Variants in ITGAE observed in about 807,000 individuals in gnomAD.
ITGAE encodes the protein integrin subunit alpha E.
Under a neutral mutation model 136.5 loss-of-function variants are expected in ITGAE, and 99 were observed. The ratio of observed to expected loss-of-function variants is 0.73; its 90% CI spans 0.62 to 0.86. The LOEUF (loss-of-function observed/expected upper bound fraction) is 0.86. Among genes scored for constraint, ITGAE ranks in the 40% least tolerant of loss-of-function variants. The probability of loss-of-function intolerance (pLI) is 0.00; values close to 1 mark genes in which losing one functional copy is unlikely to be tolerated. For synonymous variants in ITGAE, 613 were observed against 591.8 expected, an observed-to-expected ratio of 1.04 and a Z score of -0.52; for missense variants, 1,447 against 1,515.3, an observed-to-expected ratio of 0.95 and a Z score of 0.75.
At chr17:3,747,431 C>A (rs1405751045) in intron 17 of ITGAE, among the ~76,000 whole-genome samples, 1 of 152,134 alleles carries the variant, frequency 6.6e-6, no homozygotes. Flanking sequence ...TATTCTCCTG[C>A]CTCAGCCTCC....
chr17:3,731,117 C>T lies in ITGAE; in HGVS notation c.2821G>A (p.Val941Met). 6.2e-7 allele frequency: 1 copy of T among 1,613,244 alleles called. No individual in the cohort carries two copies. Among genetic ancestry groups the T allele is most frequent in the South Asian group, 1.1e-5 (1 of 91,070 alleles). The change falls in exon 23 of 31, where the codon GTG becomes ATG. Residue 941 changes from valine to methionine, a missense_variant. Physicochemically the swap from Val to Met is conservative, Grantham distance 21 (BLOSUM62 1). This residue lies in a region of ITGAE where 1,031 missense variants were observed against 1,011.4 expected (regional missense o/e 1.02). Coordinates refer to ENST00000263087, the MANE Select transcript of ITGAE (RefSeq NM_002208.5). ...GGCAGTACTTACTTGGTGACAGTCA[C>T]AGTGATGTCTGCTGTCCTGTTTGGA... Reference protein sequence around the residue: ...AFPNRTADITVTVTNSNERRS... With the variant: ...AFPNRTADITMTVTNSNERRS...
At position 3,724,368 on chromosome 17, in the gene ITGAE, C is replaced by T. The variant is rs1425241921; in HGVS notation, c.3085-624G>A. 2.5e-6 allele frequency: 4 copies of T among 1,604,784 alleles called. No homozygotes were observed. In the South Asian group the frequency reaches 4.4e-5, roughly 18 times the overall value. ...GCCCTTCCCCAGCCGCGACTCCGGC[C>T]GCCTCAGCCCGGACCTCAGCGTGTG... On this transcript the variant is annotated intron_variant, in intron 26 of 30. Coordinates refer to ENST00000263087, the MANE Select transcript of ITGAE (RefSeq NM_002208.5).
chr17:3,736,970 C>T (rs889101215), intron 20 of ITGAE, among the ~76,000 whole-genome samples: 2 of 151,906 alleles, frequency 1.3e-5, no homozygotes, highest in African/African-American at 4.8e-5. Flanking sequence ...TGTCTCCACC[C>T]GAGAGATGAT....
At chr17:3,724,338 C>T in intron 26 of ITGAE, 2 of 1,592,610 alleles carry the variant, frequency 1.3e-6, no homozygotes, top group Non-Finnish European at 1.7e-6. Flanking sequence ...CCCGCTCCGA[C>T]TTCCGCCCTT....
chr17:3,779,378 A>G (rs1405997789), intron 1 of ITGAE, among the ~76,000 whole-genome samples: 1 of 151,276 alleles, frequency 6.6e-6, no homozygotes, highest in African/African-American at 2.4e-5. Context: ...CCCAGGCTGG[A>G]GTGCAGTGGT....
intron 19 of ITGAE, among the ~76,000 whole-genome samples, chr17:3,740,523 T>A (rs1483053096): frequency 1.3e-5 from 2 of 152,190 alleles, no homozygotes; most frequent in East Asian, 3.9e-4. Context: ...ATTACAGGCA[T>A]GTGCCACCAC....
chr17:3,761,509 T>C lies in ITGAE; in HGVS notation c.327A>G (p.Gln109=), dbSNP rs1311897698. The C allele has an allele frequency of 1.5e-5, 24 of 1,613,224 alleles. No individual in the cohort carries two copies. The highest frequency in any genetic ancestry group is 6.7e-5 in the African/African-American group (5 of 74,932). ...GGCTGTGAGGCCGCCGGACCAGCAC[T>C]TGAATGCATATCTGTGGGAGGGAAG... ...RSHHGVLICI[Q]VLVRRPHSLS... is the part of the protein sequence containing the mutation. The change falls in exon 5 of 31, where the codon CAA becomes CAG. Residue 109 remains glutamine (Q), a synonymous_variant. Transcript: ENST00000263087.
At chr17:3,735,094 A>G in intron 20 of ITGAE, 145 bp from the exon 21 acceptor site, 1 of 850,528 alleles carries the variant, frequency 1.2e-6, no homozygotes. Flanking sequence ...CCTGGGTTCA[A>G]GTGATCCTCC....
chr17:3,729,779 G>A (rs2051299093), intron 23 of ITGAE: 5 of 432,174 alleles, frequency 1.2e-5, no homozygotes, highest in Admixed American at 3.3e-5. Context: ...ATTTTTAGTA[G>A]AGATGGGGTT....
intron 1 of ITGAE, among the ~76,000 whole-genome samples, chr17:3,782,764 AG>A (rs1425724688): frequency 6.6e-6 from 1 of 152,162 alleles, no homozygotes; most frequent in Non-Finnish European, 1.5e-5. Context: ...ACTCTTGAAA[AG>A]CTATACAACT....
chr17:3,718,490 C>T (rs1465506363), intron 29 of ITGAE: 1 of 152,276 alleles, frequency 6.6e-6, no homozygotes, highest in Non-Finnish European at 1.5e-5. Flanking sequence ...ACTGGATAAA[C>T]AGCATATGCC....
At chr17:3,794,703 G>A (rs2053021982) in intron 1 of ITGAE, among the ~76,000 whole-genome samples, 1 of 152,156 alleles carries the variant, frequency 6.6e-6, no homozygotes, top group Admixed American at 6.5e-5. Flanking sequence ...CGGCCCCGGG[G>A]CCCACGTCAC....
At chr17:3,763,677 G>T (rs1428919157) in intron 3 of ITGAE, among the ~76,000 whole-genome samples, 192 bp downstream of exon 3, 1 of 152,170 alleles carries the variant, frequency 6.6e-6, no homozygotes, top group East Asian at 1.9e-4. Flanking sequence ...AGGAAAGGTG[G>T]CTGGGGATTA....
At chr17:3,754,399 G>A (rs982408200) in intron 12 of ITGAE, among the ~76,000 whole-genome samples, 1 of 152,164 alleles carries the variant, frequency 6.6e-6, no homozygotes, top group African/African-American at 2.4e-5. Context: ...AGCCTTCCGA[G>A]TACGTGGGAC....
At chr17:3,797,821 C>T (rs985667049) in intron 1 of ITGAE, among the ~76,000 whole-genome samples, 8 of 152,148 alleles carry the variant, frequency 5.3e-5, no homozygotes, top group South Asian at 2.1e-4. Context: ...CCGCAACAGC[C>T]GCAGATGGGG....
chr17:3,720,024 G>A (rs2051018455), intron 29 of ITGAE, among the ~76,000 whole-genome samples: 1 of 152,094 alleles, frequency 6.6e-6, no homozygotes, highest in African/African-American at 2.4e-5. Flanking sequence ...CCTGCGCCCA[G>A]CTGCGAAATT....
intron 26 of ITGAE, chr17:3,724,972 C>T (rs893559796): frequency 9.3e-6 from 15 of 1,614,046 alleles, no homozygotes; most frequent in Non-Finnish European, 1.2e-5. Flanking sequence ...CAGGAGGCAA[C>T]GGAAACCTCT....
At chr17:3,795,717 T>C (rs888662774) in intron 1 of ITGAE, among the ~76,000 whole-genome samples, 1 of 152,192 alleles carries the variant, frequency 6.6e-6, no homozygotes, top group Non-Finnish European at 1.5e-5. Flanking sequence ...ACAGGGCTGG[T>C]AACTAGGTCA....
chr17:3,756,998 ATGT>A lies in ITGAE; in HGVS notation c.1154_1156del (p.Asn385del), dbSNP rs751035709. 2 of 1,613,920 alleles carry A rather than the reference ATGT, an allele frequency of 1.2e-6. No individual in the cohort carries two copies. Among genetic ancestry groups the A allele is most frequent in the East Asian group, 2.2e-5 (1 of 44,876 alleles). ...GGAGCCCTCACCTTCCATGCTGATG[ATGT>A]TGTACCGCAGTTTGCTCAGCAGCCC... On this transcript the variant is annotated inframe_deletion, in exon 10 of 31. Coordinates refer to ENST00000263087, the MANE Select transcript of ITGAE (RefSeq NM_002208.5).
Sources: gnomAD v4.1 joint callset for allele counts (sites outside exome capture counted in the v4.1 genomes callset) on GRCh38, gnomAD v4.1.1 for gene constraint, gnomAD v4.1.1 regional missense constraint, MANE v1.5 for transcripts, NCBI Gene and HGNC (gene_info 2026-07-23, HGNC 2026-07-21) for gene names.